PDE6G: variants seen among roughly 807,000 people sequenced by gnomAD.
The protein encoded by PDE6G is rod cGMP 3',5'-cyclic phosphodiesterase subunit gamma.
PDE6G carries 10 observed loss-of-function variants against 10.9 expected under a neutral mutation model. The observed-to-expected ratio is 0.91, with a 90% CI of 0.56 to 1.55. The LOEUF is 1.55. Ranked by LOEUF, PDE6G falls within the 40% of genes most tolerant of loss-of-function variation. The probability of loss-of-function intolerance (pLI) is 0.00; values close to 1 mark genes in which losing one functional copy is unlikely to be tolerated. For synonymous variants in PDE6G, 41 were observed against 42.8 expected, an observed-to-expected ratio of 0.96 and a Z score of 0.16; for missense variants, 102 against 110.1, an observed-to-expected ratio of 0.93 and a Z score of 0.33.
At chr17:81,652,546 G>C (rs890478662) in intron 2 of PDE6G, among the ~76,000 whole-genome samples, 2 of 151,750 alleles carry the variant, frequency 1.3e-5, no homozygotes, top group African/African-American at 4.8e-5. Context: ...CAAAGTGCTG[G>C]GATTACAGGC....
upstream of PDE6G, among the ~76,000 whole-genome samples, chr17:81,660,189 A>G (rs1028040363): frequency 6.6e-5 from 10 of 152,220 alleles, no homozygotes; most frequent in Non-Finnish European, 1.5e-4. Context: ...AGGCAGGTGG[A>G]TCAGCTGAGG....
chr17:81,661,644 A>G (rs1254311334), intron 1 of PDE6G, among the ~76,000 whole-genome samples: 1 of 151,924 alleles, frequency 6.6e-6, no homozygotes, highest in Non-Finnish European at 1.5e-5. Context: ...GTGAATCACA[A>G]GGTCAGGAGT....
chr17:81,656,928 C>G (rs149141859), upstream of PDE6G: 218 of 388,724 alleles, frequency 5.6e-4, 1 homozygote, highest in East Asian at 0.011. Flanking sequence ...TCACATCTCA[C>G]CCCTCCCACC....
upstream of PDE6G, among the ~76,000 whole-genome samples, chr17:81,658,776 G>A (rs892447612): frequency 2.0e-5 from 3 of 151,938 alleles, no homozygotes; most frequent in African/African-American, 7.3e-5. Flanking sequence ...AGGAGGTGGA[G>A]GTTGCAGTGA....
intron 2 of PDE6G, among the ~76,000 whole-genome samples, chr17:81,652,632 A>G (rs1346706902): frequency 6.4e-4 from 91 of 141,120 alleles, no homozygotes; most frequent in African/African-American, 2.3e-3. Flanking sequence ...CTGGAGTGCA[A>G]TGGCGCGATC....
At position 81,650,569 on chromosome 17, in the gene PDE6G, C is replaced by T. The variant is rs755325159; in HGVS notation, c.*505G>A. On this transcript the variant is annotated 3_prime_UTR_variant, in exon 4 of 4. Transcript: ENST00000331056. The stretch of plus-strand genomic sequence containing the variant: ...TGGGGCCTCATCTGCTCACCGTGCA[C>T]GCCCTGGAGTCCTGCTACCCAGCAT... 13 of 454,112 alleles carry T rather than the reference C, an allele frequency of 2.9e-5. No individual in the cohort carries two copies. The highest frequency in any genetic ancestry group is 7.8e-5 in the South Asian group (5 of 64,488). 28.1% of individuals were successfully genotyped at this position (454,112 alleles called of 1,614,324 possible).
In PDE6G at chr17:81,656,075, G is replaced by A. The variant is rs146915434; in HGVS notation, c.-60+418C>T. On this transcript the variant is annotated intron_variant, in intron 1 of 3. Transcript: ENST00000331056. ...TCATATCCTAGATAGCACAGGCCCC[G>A]TCCAGCTGCTTCTCCAGCCCTGGGA... 8.4e-3 allele frequency among the ~76,000 whole-genome samples: 1,273 copies of A among 152,072 alleles called. 7 individuals carry two copies. Among genetic ancestry groups the A allele is most frequent in the Middle Eastern group, 0.027 (8 of 294 alleles).
intron 1 of PDE6G, among the ~76,000 whole-genome samples, chr17:81,655,869 T>C (rs3830068): frequency 0.22 from 34,025 of 152,038 alleles, 4,081 homozygotes; most frequent in Middle Eastern, 0.29. Flanking sequence ...TGGCCCATTT[T>C]GGGGACGCGG....
upstream of PDE6G, among the ~76,000 whole-genome samples, chr17:81,661,191 C>T (rs986325095): frequency 4.6e-5 from 7 of 152,136 alleles, no homozygotes; most frequent in South Asian, 2.1e-4. Flanking sequence ...ACTTGGGCAA[C>T]GTAGGAAGAC....
chr17:81,657,787 A>G (rs1400687955), upstream of PDE6G, among the ~76,000 whole-genome samples: 1 of 152,128 alleles, frequency 6.6e-6, no homozygotes, highest in African/African-American at 2.4e-5. Flanking sequence ...AGGCTGAGGC[A>G]GGAGAATGGC....
upstream of PDE6G, among the ~76,000 whole-genome samples, chr17:81,658,369 C>T (rs1163373887): frequency 6.7e-6 from 1 of 150,012 alleles, no homozygotes; most frequent in Non-Finnish European, 1.5e-5. Context: ...CAGGTGTGAG[C>T]CACCGTGCCT....
intron 1 of PDE6G, among the ~76,000 whole-genome samples, chr17:81,661,858 CAAA>C (rs33915100): frequency 0.086 from 5,593 of 65,064 alleles, 159 homozygotes; most frequent in East Asian, 0.27. Context: ...GACTCTGTCT[CAAA>C]AAAAAAAAAA....
At chr17:81,658,716 C>T (rs867061425), upstream of PDE6G, among the ~76,000 whole-genome samples, 6 of 151,858 alleles carry the variant, frequency 4.0e-5, no homozygotes, top group South Asian at 2.1e-4. Flanking sequence ...TGGCATGCAC[C>T]TGTAGTCCCA....
Position 81,651,167 on chromosome 17 carries a change from C to T in PDE6G, c.188-17G>A. The T allele has an allele frequency of 6.2e-7, 1 of 1,600,786 alleles. No individual in the cohort carries two copies. The highest frequency in any genetic ancestry group is 8.6e-7 in the Non-Finnish European group (1 of 1,167,884). Reference sequence around the variant, plus strand: ...CTGTGATGTCTGTGGGAGAAACGGGCCACGGATCAGAGAGGATCCCACGGC... The same window carrying T: ...CTGTGATGTCTGTGGGAGAAACGGGTCACGGATCAGAGAGGATCCCACGGC... On this transcript the variant is annotated splice_polypyrimidine_tract_variant and intron_variant, in intron 3 of 3. Coordinates refer to ENST00000331056, the MANE Select transcript of PDE6G (RefSeq NM_002602.4). This position sits in a 1 kb window ranked among gnomAD's most constrained non-coding sequence, Gnocchi z 4.8.
In PDE6G at chr17:81,653,844, C is replaced by T. The variant is rs1378813660; in HGVS notation, c.-59-480G>A. The T allele has an allele frequency of 6.2e-6, 1 of 161,458 alleles. No individual in the cohort carries two copies. The highest frequency in any genetic ancestry group is 2.4e-5 in the African/African-American group (1 of 41,570). 10.0% of individuals were successfully genotyped at this position (161,458 alleles called of 1,614,324 possible). A position where few individuals can be genotyped will look rare whatever the true frequency, so the allele number is the denominator to read the frequency against. Reference sequence around the variant, plus strand: ...TTTGTTTTTGAGACAGAGTTTTGCTCTTGTTGCCTGGGCTGGAGTGCAGTG... The same window carrying T: ...TTTGTTTTTGAGACAGAGTTTTGCTTTTGTTGCCTGGGCTGGAGTGCAGTG... On this transcript the variant is annotated intron_variant, in intron 1 of 3. Transcript: ENST00000331056. This position sits in a 1 kb window ranked among gnomAD's most constrained non-coding sequence, Gnocchi z 5.2.
At chr17:81,656,984 C>CCT (rs2036455738), upstream of PDE6G, 2 of 270,480 alleles carry the variant, frequency 7.4e-6, no homozygotes, top group African/African-American at 4.4e-5. Context: ...CAAGGACCCC[C>CCT]CCCCGCCCTT....
intron 1 of PDE6G, among the ~76,000 whole-genome samples, chr17:81,654,183 G>A (rs1326867555): frequency 6.6e-6 from 1 of 152,096 alleles, no homozygotes; most frequent in Non-Finnish European, 1.5e-5. Flanking sequence ...CCCAGCAGAG[G>A]AGCCTGCCTC....
upstream of PDE6G, among the ~76,000 whole-genome samples, chr17:81,659,031 T>C (rs2036484143): frequency 6.6e-6 from 1 of 151,718 alleles, no homozygotes; most frequent in Non-Finnish European, 1.5e-5. Context: ...AAATCACTAG[T>C]CCAGAAAGGA....
At chr17:81,652,098 G>A (rs941161327) in intron 2 of PDE6G, among the ~76,000 whole-genome samples, 8 of 151,890 alleles carry the variant, frequency 5.3e-5, no homozygotes, top group Non-Finnish European at 1.0e-4. Context: ...CCGTGTGTGC[G>A]CACACGTGTG....
Sources: gnomAD v4.1 joint callset for allele counts (sites outside exome capture counted in the v4.1 genomes callset) on GRCh38, gnomAD v4.1.1 for gene constraint, Gnocchi (gnomAD v3.1) non-coding constraint, MANE v1.5 for transcripts, NCBI Gene and HGNC (gene_info 2026-07-23, HGNC 2026-07-21) for gene names.